The following COL4A5 variants were observed in gnomAD, a reference collection of about 807,000 sequenced individuals.
The protein encoded by COL4A5 is collagen type IV alpha 5 chain.
COL4A5 carries 26 observed loss-of-function variants against 130.2 expected under a neutral mutation model. The observed-to-expected ratio is 0.20, with a 90% CI of 0.15 to 0.28. The LOEUF is 0.28. Among genes scored for constraint, COL4A5 ranks in the 10% least tolerant of loss-of-function variants. COL4A5 has a pLI of 1.00. For missense variants in COL4A5, 1,131 were observed against 1,344.3 expected (o/e 0.84, Z 2.48); for synonymous variants, 496 against 439.6 (o/e 1.13, Z -1.60).
At chrX:108,532,790 A>G (rs1307119801) in intron 1 of COL4A5, among the ~76,000 whole-genome samples, 3 of 111,992 alleles carry the variant, frequency 2.7e-5, no homozygotes, top group Non-Finnish European at 5.7e-5. Context: ...AATTCCATTT[A>G]CATTTGGTAA....
At chrX:108,552,714 C>T (rs1440562371) in intron 2 of COL4A5, among the ~76,000 whole-genome samples, 1 of 111,768 alleles carries the variant, frequency 8.9e-6, no homozygotes, top group Non-Finnish European at 1.9e-5. Flanking sequence ...CAATTGGCCC[C>T]AATTTATCTA....
chrX:108,608,943 C>T lies in COL4A5; in HGVS notation c.2395+2051C>T, dbSNP rs889750439. ...CTTTCTTTCTGAGGCTTCTTTCACT[C>T]AACATAATGTTTTGGAGATCCATCC... On this transcript the variant is annotated intron_variant, in intron 29 of 52. Coordinates refer to ENST00000328300, the MANE Select transcript of COL4A5 (RefSeq NM_033380.3). Among the ~76,000 whole-genome samples the T allele has an allele frequency of 4.5e-5, 5 of 111,527 alleles. No individual in the cohort carries two copies. The Admixed American group carries it at 4.8e-4, about 11-fold the overall frequency.
At chrX:108,606,992 C>T in intron 29 of COL4A5, 100 bp downstream of exon 29, 1 of 850,285 alleles carries the variant, frequency 1.2e-6, no homozygotes, top group South Asian at 2.1e-5. Context: ...AACTGGAAAC[C>T]CTATGCTGCC....
intron 17 of COL4A5, 113 bp downstream of exon 17, chrX:108,583,050 C>A: frequency 3.4e-6 from 2 of 585,148 alleles, no homozygotes; most frequent in Non-Finnish European, 2.9e-6. Flanking sequence ...CTTTTATATT[C>A]AAAATATGCC....
At chrX:108,563,807 C>A (rs2065931045) in intron 3 of COL4A5, 75 bp from the exon 4 acceptor site, 2 of 871,301 alleles carry the variant, frequency 2.3e-6, no homozygotes, top group African/African-American at 2.0e-5. Flanking sequence ...TTTAAATCTC[C>A]TATTTTATAA....
chrX:108,564,777 C>T (rs1052743568), intron 4 of COL4A5, among the ~76,000 whole-genome samples: 2 of 111,450 alleles, frequency 1.8e-5, no homozygotes, highest in Non-Finnish European at 3.8e-5. Flanking sequence ...AGCATGTTTA[C>T]GTGTGTGACA....
intron 1 of COL4A5, among the ~76,000 whole-genome samples, chrX:108,477,796 A>G (rs2064849867): frequency 9.7e-6 from 1 of 103,372 alleles, no homozygotes; most frequent in African/African-American, 3.6e-5. Flanking sequence ...AGCCTGGGCA[A>G]CAGAGAGAGA....
intron 1 of COL4A5, among the ~76,000 whole-genome samples, chrX:108,453,789 A>G (rs1257069082): frequency 8.9e-6 from 1 of 111,960 alleles, no homozygotes; most frequent in Non-Finnish European, 1.9e-5. Flanking sequence ...TCTCCAGTAT[A>G]CTACATTGGT....
chrX:108,620,122 A>C (rs759702668), intron 30 of COL4A5, 137 bp from the exon 31 acceptor site: 17 of 525,139 alleles, frequency 3.2e-5, no homozygotes, highest in Non-Finnish European at 4.7e-5. Context: ...TTTTGTGTGC[A>C]TGATGTCAAA....
At chrX:108,630,988 G>T (rs2067246531) in intron 36 of COL4A5, among the ~76,000 whole-genome samples, 1 of 111,447 alleles carries the variant, frequency 9.0e-6, no homozygotes, top group Non-Finnish European at 1.9e-5. Context: ...TATCTCTGAG[G>T]CCTCTGTTCT....
At chrX:108,512,666 A>G (rs1184761854) in intron 1 of COL4A5, among the ~76,000 whole-genome samples, 2 of 108,643 alleles carry the variant, frequency 1.8e-5, no homozygotes, top group African/African-American at 3.4e-5. Flanking sequence ...GAGGGAGTGT[A>G]CGAATAGGTG....
chrX:108,663,600 A>AC (rs2068010151), intron 37 of COL4A5, among the ~76,000 whole-genome samples: 2 of 110,676 alleles, frequency 1.8e-5, no homozygotes, highest in Non-Finnish European at 3.8e-5. Context: ...GGTCAGGGGG[A>AC]TGGAGAGCAT....
rs146476514 is a variant in COL4A5, at chrX:108,464,628, C to T, written c.81+24422C>T. Among the ~76,000 whole-genome samples, 795 of 112,312 alleles carry T rather than the reference C, an allele frequency of 7.1e-3. 11 individuals carry two copies. The highest frequency in any genetic ancestry group is 9.7e-3 in the Non-Finnish European group (518 of 53,211). On this transcript the variant is annotated intron_variant, in intron 1 of 52. Transcript: ENST00000328300. The stretch of plus-strand genomic sequence containing the variant: ...TCTGTATGCATATATGTTAAATACA[C>T]CTAAGTTTCTTATACTTTAACTAAT...
intron 2 of COL4A5, among the ~76,000 whole-genome samples, chrX:108,545,888 T>G: frequency 9.0e-6 from 1 of 111,358 alleles, no homozygotes; most frequent in Non-Finnish European, 1.9e-5. Flanking sequence ...CTTTTGATCT[T>G]TGTTGGTTTA....
intron 38 of COL4A5, among the ~76,000 whole-genome samples, chrX:108,666,143 G>C (rs976510274): frequency 1.8e-5 from 2 of 111,208 alleles, no homozygotes; most frequent in African/African-American, 6.6e-5. Context: ...TAGAATAGAA[G>C]CTTTGATTTT....
chrX:108,455,703 C>G (rs1322122134), intron 1 of COL4A5, among the ~76,000 whole-genome samples: 4 of 111,742 alleles, frequency 3.6e-5, no homozygotes, highest in Non-Finnish European at 7.5e-5. Context: ...TATAGATACC[C>G]AGTTGTTCCA....
At chrX:108,490,094 T>C (rs1483628958) in intron 1 of COL4A5, among the ~76,000 whole-genome samples, 1 of 111,839 alleles carries the variant, frequency 8.9e-6, no homozygotes, top group African/African-American at 3.2e-5. Flanking sequence ...CTAATAGTAA[T>C]ATAATCTGCC....
Position 108,645,343 on chromosome X carries a change from G to T in COL4A5, c.3247-9988G>T, listed in dbSNP as rs1384224090. Among the ~76,000 whole-genome samples the T allele has an allele frequency of 3.6e-5, 4 of 111,394 alleles. No homozygotes were observed. The East Asian group carries it at 1.1e-3, about 32-fold the overall frequency. On this transcript the variant is annotated intron_variant, in intron 36 of 52. Coordinates refer to ENST00000328300, the MANE Select transcript of COL4A5 (RefSeq NM_033380.3). The stretch of plus-strand genomic sequence containing the variant: ...ACCATTACCAAGATTAAGAAAAGAA[G>T]AGAGAAAATCCAAAGAACATCATTA...
intron 36 of COL4A5, among the ~76,000 whole-genome samples, chrX:108,644,901 AAAC>A (rs1311268849): frequency 2.9e-5 from 3 of 102,401 alleles, no homozygotes; most frequent in East Asian, 3.1e-4. Context: ...CTCCGTCTCC[AAAC>A]AACAACAACA....
Sources: allele counts gnomAD v4.1 joint callset (sites outside exome capture counted in the v4.1 genomes callset), GRCh38; gene constraint gnomAD v4.1.1; transcripts MANE v1.5; gene names NCBI Gene and HGNC (gene_info 2026-07-23, HGNC 2026-07-21).